The following CHL1 variants were observed in gnomAD, a reference collection of about 807,000 sequenced individuals.
The protein encoded by CHL1 is neural cell adhesion molecule L1-like protein.
A neutral mutation model predicts 141.9 loss-of-function variants in CHL1; 96 were observed. The ratio of observed to expected loss-of-function variants is 0.68; its 90% CI spans 0.57 to 0.80. CHL1 has a LOEUF of 0.80. Among genes scored for constraint, CHL1 ranks in the 30% least tolerant of loss-of-function variants. CHL1 has a pLI of 0.00. For synonymous variants in CHL1, 613 were observed against 502.2 expected (o/e 1.22, Z -2.95); for missense variants, 1,820 against 1,457.2 (o/e 1.25, Z -4.05).
chr3:375,119 C>A (rs181929208), intron 15 of CHL1, among the ~76,000 whole-genome samples: 3 of 152,010 alleles, frequency 2.0e-5, no homozygotes, highest in Non-Finnish European at 4.4e-5. Context: ...ATTGAAATGC[C>A]CCCCCAGGAA....
At chr3:400,694 C>G (rs6804023) in intron 26 of CHL1, among the ~76,000 whole-genome samples, 2 of 149,994 alleles carry the variant, frequency 1.3e-5, no homozygotes, top group Non-Finnish European at 3.0e-5. Context: ...CCTAACTACT[C>G]GGGAGGCTGA....
At chr3:313,947 G>A (rs1216833329) in intron 2 of CHL1, among the ~76,000 whole-genome samples, 2 of 152,024 alleles carry the variant, frequency 1.3e-5, no homozygotes, top group Non-Finnish European at 2.9e-5. Flanking sequence ...GAAAGAAAAA[G>A]CAATGAGTTA....
At chr3:321,447 G>C (rs1212784252) in intron 3 of CHL1, among the ~76,000 whole-genome samples, 2 of 152,038 alleles carry the variant, frequency 1.3e-5, no homozygotes, top group South Asian at 4.1e-4. Flanking sequence ...GAATTCTTTT[G>C]CTTTGAGTAT....
intron 14 of CHL1, 181 bp downstream of exon 14, chr3:363,564 C>T (rs1704505110): frequency 1.7e-6 from 1 of 571,840 alleles, no homozygotes; most frequent in African/African-American, 1.9e-5. Flanking sequence ...AGGGTATGCC[C>T]ATGATATGTG....
At chr3:214,956 G>GCACA (rs5845952) in intron 1 of CHL1, among the ~76,000 whole-genome samples, 52,275 of 150,244 alleles carry the variant, frequency 0.35, 10,470 homozygotes, top group Non-Finnish European at 0.45. Flanking sequence ...ATGTGCACGT[G>GCACA]CACACACACA....
chr3:275,218 G>C (rs1267803949), intron 2 of CHL1, among the ~76,000 whole-genome samples: 1 of 152,222 alleles, frequency 6.6e-6, no homozygotes, highest in African/African-American at 2.4e-5. Context: ...CAGGCTCTTA[G>C]TCGCAGTGTG....
At chr3:254,214 A>G (rs886140683) in intron 2 of CHL1, among the ~76,000 whole-genome samples, 1 of 152,198 alleles carries the variant, frequency 6.6e-6, no homozygotes, top group Non-Finnish European at 1.5e-5. Flanking sequence ...TCTAATGCCT[A>G]TAAAGGCCCA....
rs73815950 is a variant in CHL1, at chr3:237,885, G to A, written c.-174-6728G>A. 8.3e-3 allele frequency among the ~76,000 whole-genome samples: 1,265 copies of A among 152,276 alleles called. 16 individuals are homozygous for A. The highest frequency in any genetic ancestry group is 0.029 in the African/African-American group (1,203 of 41,558). On this transcript the variant is annotated intron_variant, in intron 1 of 27. Coordinates refer to ENST00000256509, the MANE Select transcript of CHL1 (RefSeq NM_006614.4). ...GTAAAACTCGTGATCAGAAATAGGG[G>A]CTATTTCTATTTAGAATGCTCTTTC...
At chr3:236,008 A>C (rs1244981875) in intron 1 of CHL1, among the ~76,000 whole-genome samples, 1 of 152,160 alleles carries the variant, frequency 6.6e-6, no homozygotes, top group East Asian at 1.9e-4. Flanking sequence ...AGGTTTGACT[A>C]TGCAACATGC....
At chr3:318,805 G>A (rs13072760) in intron 2 of CHL1, among the ~76,000 whole-genome samples, 43,348 of 150,756 alleles carry the variant, frequency 0.29, 7,205 homozygotes, top group African/African-American at 0.47. Context: ...CTATTTCACC[G>A]GAAAAATCAT....
intron 8 of CHL1, 103 bp downstream of exon 8, chr3:343,134 G>A: frequency 1.2e-6 from 1 of 849,030 alleles, no homozygotes; most frequent in Non-Finnish European, 1.8e-6. Context: ...TTACAATACT[G>A]TTATTATGAA....
intron 17 of CHL1, 80 bp downstream of exon 17, chr3:382,360 C>T (rs1707154758): frequency 1.4e-6 from 2 of 1,458,004 alleles, no homozygotes. Context: ...ACCACTCTTA[C>T]TGGTTTATTC....
chr3:371,243 T>A (rs1015334384), intron 15 of CHL1, among the ~76,000 whole-genome samples: 14 of 152,170 alleles, frequency 9.2e-5, no homozygotes, highest in African/African-American at 2.7e-4. Flanking sequence ...AGTCTCAGTG[T>A]CTTTGTATGT....
intron 2 of CHL1, among the ~76,000 whole-genome samples, chr3:282,306 C>G (rs1574951200): frequency 6.6e-6 from 1 of 152,150 alleles, no homozygotes; most frequent in South Asian, 2.1e-4. Context: ...ATACAAATTA[C>G]TTTTATACTG....
At chr3:402,398 C>G (rs898310768) in intron 27 of CHL1, among the ~76,000 whole-genome samples, 1 of 152,182 alleles carries the variant, frequency 6.6e-6, no homozygotes, top group African/African-American at 2.4e-5. Flanking sequence ...CTGTCTCATT[C>G]TCCTTTTATC....
chr3:337,515 T>C lies in CHL1; in HGVS notation c.386-3279T>C, dbSNP rs571167819. 8.1e-3 allele frequency among the ~76,000 whole-genome samples: 1,095 copies of C among 135,004 alleles called. 6 individuals carry two copies. The highest frequency in any genetic ancestry group is 0.015 in the Middle Eastern group (4 of 260). 88.6% of individuals were successfully genotyped at this position (135,004 alleles called of 152,430 possible). On this transcript the variant is annotated intron_variant, in intron 5 of 27. Coordinates refer to ENST00000256509, the MANE Select transcript of CHL1 (RefSeq NM_006614.4). ...ATGTCTCCCAATGCTATCCCTCCCC[T>C]CTCCCCCCACCCCACAACAGGCCCC...
intron 20 of CHL1, 59 bp from the exon 21 acceptor site, chr3:390,642 G>T: frequency 2.0e-6 from 2 of 1,016,836 alleles, no homozygotes; most frequent in Non-Finnish European, 1.5e-6. Flanking sequence ...TTTTGAAAAG[G>T]ATCCTAACAA....
intron 22 of CHL1, 97 bp from the exon 23 acceptor site, chr3:391,578 A>G: frequency 2.6e-6 from 2 of 768,452 alleles, no homozygotes; most frequent in South Asian, 3.4e-5. Flanking sequence ...ACTTCAGATG[A>G]GTTTGCTTGT....
At chr3:331,925 T>C (rs1701473542) in intron 5 of CHL1, among the ~76,000 whole-genome samples, 1 of 152,128 alleles carries the variant, frequency 6.6e-6, no homozygotes. Flanking sequence ...AATCCAAAAG[T>C]AAAAATTTTA....
Sources: gnomAD v4.1 joint callset for allele counts (sites outside exome capture counted in the v4.1 genomes callset) on GRCh38, gnomAD v4.1.1 for gene constraint, MANE v1.5 for transcripts, NCBI Gene and HGNC (gene_info 2026-07-23, HGNC 2026-07-21) for gene names.